Variants in AGTPBP1 observed in about 807,000 individuals in gnomAD.
AGTPBP1 encodes the protein cytosolic carboxypeptidase 1.
Under a neutral mutation model 143.9 loss-of-function variants are expected in AGTPBP1, and 70 were observed. That is an observed-to-expected ratio of 0.49 (90% confidence interval 0.40 to 0.59). AGTPBP1 has a LOEUF of 0.59. Among genes scored for constraint, AGTPBP1 ranks in the 20% least tolerant of loss-of-function variants. The pLI, the probability that AGTPBP1 is intolerant of heterozygous loss-of-function variation, is 0.00. For synonymous variants in AGTPBP1, 463 were observed against 500.2 expected (o/e 0.93, Z 0.99); for missense variants, 1,229 against 1,464.5 (o/e 0.84, Z 2.62).
chr9:85,662,419 C>A (rs1408460373), intron 8 of AGTPBP1, among the ~76,000 whole-genome samples: 1 of 152,078 alleles, frequency 6.6e-6, no homozygotes, highest in Admixed American at 6.6e-5. Context: ...ATTTTCATTG[C>A]ATTGAATTAT....
At chr9:85,702,714 T>C (rs1836748194) in intron 2 of AGTPBP1, among the ~76,000 whole-genome samples, 1 of 152,046 alleles carries the variant, frequency 6.6e-6, no homozygotes, top group African/African-American at 2.4e-5. Flanking sequence ...TGAATTTTCC[T>C]CGATTGGTAA....
the AGTPBP1 span, among the ~76,000 whole-genome samples, chr9:85,801,210 G>A: frequency 6.6e-6 from 1 of 152,102 alleles, no homozygotes; most frequent in Non-Finnish European, 1.5e-5. Context: ...TACTCGGGAG[G>A]CTGAGGCAGG....
rs550798532 is a variant in AGTPBP1 at position 85,711,892 on chromosome 9, C to T, written c.32+610G>A. Among the ~76,000 whole-genome samples, 6 of 152,274 alleles carry T rather than the reference C, an allele frequency of 3.9e-5. No homozygotes were observed. The South Asian group carries it at 8.3e-4, about 21-fold the overall frequency. ...AGCATGGCTGTGTTCCAAAAAAACACTTTATTTATAGATGCTGAAATGCAA... is the reference window on the plus strand; with the variant it reads ...AGCATGGCTGTGTTCCAAAAAAACATTTTATTTATAGATGCTGAAATGCAA... On this transcript the variant is annotated intron_variant, in intron 2 of 25. Coordinates refer to ENST00000357081, the MANE Select transcript of AGTPBP1 (RefSeq NM_001330701.2).
intron 20 of AGTPBP1, 71 bp downstream of exon 20, chr9:85,589,457 A>G: frequency 2.0e-6 from 3 of 1,506,166 alleles, no homozygotes; most frequent in Non-Finnish European, 2.7e-6. Context: ...CATTTCCATT[A>G]TAAAATACGG....
chr9:85,708,034 T>C (rs1024697894), intron 2 of AGTPBP1, among the ~76,000 whole-genome samples: 3 of 152,100 alleles, frequency 2.0e-5, no homozygotes, highest in African/African-American at 7.2e-5. Context: ...GCACATTCTG[T>C]ACATGTAACC....
the AGTPBP1 span, among the ~76,000 whole-genome samples, chr9:85,750,966 C>A: frequency 1.3e-5 from 2 of 152,212 alleles, no homozygotes; most frequent in African/African-American, 4.8e-5. Context: ...AGGATCCATG[C>A]CACTTGAGAC....
intron 1 of AGTPBP1, among the ~76,000 whole-genome samples, chr9:85,728,283 A>G (rs1453743815): frequency 6.6e-6 from 1 of 152,134 alleles, no homozygotes. Context: ...AAGACTGAGG[A>G]AGGAACCCTT....
chr9:85,589,716 C>T (rs374479702), intron 19 of AGTPBP1, 35 bp from the exon 20 acceptor site: 3 of 1,565,348 alleles, frequency 1.9e-6, no homozygotes, highest in Non-Finnish European at 2.6e-6. Context: ...TATACAATCA[C>T]TTAAAAAGTC....
chr9:85,672,522 G>A, intron 7 of AGTPBP1, 28 bp downstream of exon 7: 15 of 1,601,258 alleles, frequency 9.4e-6, no homozygotes, highest in Non-Finnish European at 1.3e-5. Context: ...ACAACACTGA[G>A]TTAACTAAAA....
At chr9:85,567,117 G>A (rs1309435666) in intron 25 of AGTPBP1, among the ~76,000 whole-genome samples, 1 of 152,180 alleles carries the variant, frequency 6.6e-6, no homozygotes. Flanking sequence ...GTTACGGGGA[G>A]AGGCTTGAAA....
chr9:85,566,961 A>AT (rs1827146577), intron 25 of AGTPBP1, among the ~76,000 whole-genome samples: 1 of 152,258 alleles, frequency 6.6e-6, no homozygotes, highest in South Asian at 2.1e-4. Flanking sequence ...AATCACAGCC[A>AT]GAACTTTCAT....
intron 1 of AGTPBP1, among the ~76,000 whole-genome samples, chr9:85,737,972 A>G (rs1022972758): frequency 6.6e-6 from 1 of 152,240 alleles, no homozygotes; most frequent in Non-Finnish European, 1.5e-5. Context: ...AGGAGCAGAT[A>G]TGATAATCCA....
the AGTPBP1 span, among the ~76,000 whole-genome samples, chr9:85,784,774 A>C: frequency 6.6e-6 from 1 of 152,234 alleles, no homozygotes; most frequent in African/African-American, 2.4e-5. Flanking sequence ...TAGAACCCCT[A>C]CCTGAACCAG....
At chr9:85,586,740 T>C in intron 22 of AGTPBP1, 91 bp downstream of exon 22, 7 of 1,418,082 alleles carry the variant, frequency 4.9e-6, no homozygotes, top group Non-Finnish European at 6.7e-6. Flanking sequence ...ATGCATTAAT[T>C]TGACCTCATG....
intron 4 of AGTPBP1, 122 bp from the exon 5 acceptor site, chr9:85,678,520 T>G: frequency 1.9e-6 from 1 of 514,140 alleles, no homozygotes; most frequent in Non-Finnish European, 3.4e-6. Context: ...AACAAAGGTA[T>G]TCAGGTTTTC....
At chr9:85,689,898 C>CAAAAAAAAAA (rs1156931410) in intron 3 of AGTPBP1, among the ~76,000 whole-genome samples, 3 of 28,346 alleles carry the variant, frequency 1.1e-4, no homozygotes, top group African/African-American at 4.5e-4. Context: ...GACTCTGCCT[C>CAAAAAAAAAA]AAAAAAAAAA....
rs147750504 is a variant in AGTPBP1 at position 85,628,189 on chromosome 9, C to T, written c.2015+4473G>A. 4.3e-3 allele frequency among the ~76,000 whole-genome samples: 648 copies of T among 152,236 alleles called. 1 individual carries two copies. The highest frequency in any genetic ancestry group is 5.9e-3 in the Non-Finnish European group (401 of 68,022). ...TTAACATTATTGGGGAAGTCCTATACATCTAAGTAATATGAATAGAATCAT... is the reference window on the plus strand; with the variant it reads ...TTAACATTATTGGGGAAGTCCTATATATCTAAGTAATATGAATAGAATCAT... On this transcript the variant is annotated intron_variant, in intron 14 of 25. Transcript: ENST00000357081.
intron 17 of AGTPBP1, among the ~76,000 whole-genome samples, chr9:85,605,701 A>G (rs948415929): frequency 6.6e-6 from 1 of 152,000 alleles, no homozygotes; most frequent in African/African-American, 2.4e-5. Flanking sequence ...AAGGCATAGA[A>G]TAATAAGATA....
At chr9:85,773,282 A>G in the AGTPBP1 span, among the ~76,000 whole-genome samples, 91 of 147,496 alleles carry the variant, frequency 6.2e-4, no homozygotes, top group Non-Finnish European at 1.2e-3. Flanking sequence ...AAAAAAAAAA[A>G]AAAAGAAAGT....
Sources: gnomAD v4.1 joint callset for allele counts (sites outside exome capture counted in the v4.1 genomes callset) on GRCh38, gnomAD v4.1.1 for gene constraint, MANE v1.5 for transcripts, NCBI Gene and HGNC (gene_info 2026-07-23, HGNC 2026-07-21) for gene names.